Variants in SHISA9 observed in about 807,000 individuals in gnomAD.
The protein encoded by SHISA9 is protein shisa-9.
In SHISA9, 13 loss-of-function variants were observed where a neutral mutation model predicts 38.0. That is an observed-to-expected ratio of 0.34 (90% CI 0.22 to 0.54). The LOEUF is 0.54. Ranked by LOEUF, SHISA9 falls within the 20% of genes least tolerant of loss-of-function variation. The pLI, the probability that SHISA9 is intolerant of heterozygous loss-of-function variation, is 0.91. For missense variants in SHISA9, 538 were observed against 575.8 expected, an observed-to-expected ratio of 0.93 and a Z score of 0.67; for synonymous variants, 275 against 242.0, an observed-to-expected ratio of 1.14 and a Z score of -1.27.
chr16:13,190,732 G>C (rs1036421192), intron 2 of SHISA9, among the ~76,000 whole-genome samples: 1 of 152,108 alleles, frequency 6.6e-6, no homozygotes, highest in Non-Finnish European at 1.5e-5. Context: ...CTGTCCCCCA[G>C]AGCCTGCATA....
In SHISA9 at chr16:13,201,156, T is replaced by C. The variant is rs186200793; in HGVS notation, c.692-2238T>C. ...CTTGGGTCAAACTTGGTACCACCTG[T>C]TTTTGTAAATAAAGTTTTATTGGAA... On this transcript the variant is annotated intron_variant, in intron 2 of 4. Transcript: ENST00000558583. Among the ~76,000 whole-genome samples, 65 of 135,224 alleles carry C rather than the reference T, an allele frequency of 4.8e-4. 11 individuals carry two copies. In the Middle Eastern group the frequency reaches 0.013, roughly 26 times the overall value. 88.7% of individuals were successfully genotyped at this position (135,224 alleles called of 152,430 possible).
chr16:12,908,881 C>G, intron 1 of SHISA9: 1 of 1,071,062 alleles, frequency 9.3e-7, no homozygotes, highest in Non-Finnish European at 1.1e-6. Flanking sequence ...TGTCCACCTT[C>G]AAACAGAATT....
At chr16:13,320,320 A>AAAAAG in the SHISA9 span, among the ~76,000 whole-genome samples, 4 of 148,070 alleles carry the variant, frequency 2.7e-5, no homozygotes, top group Admixed American at 6.7e-5. Flanking sequence ...AAAAAAAAAA[A>AAAAAG]GTAGGCAAAA....
chr16:13,087,472 T>A (rs1337215832), intron 2 of SHISA9, among the ~76,000 whole-genome samples: 3 of 152,170 alleles, frequency 2.0e-5, no homozygotes, highest in African/African-American at 4.8e-5. Flanking sequence ...TTTCTCCACA[T>A]CCTCTCCAGC....
intron 1 of SHISA9, chr16:12,909,454 G>A (rs1236467140): frequency 2.0e-6 from 2 of 985,322 alleles, no homozygotes; most frequent in African/African-American, 3.5e-5. Context: ...TGGAGGCTTT[G>A]AAGCAAGATA....
intron 1 of SHISA9, chr16:12,911,320 G>A (rs2071180409): frequency 1.0e-6 from 1 of 985,260 alleles, no homozygotes; most frequent in African/African-American, 1.7e-5. Flanking sequence ...AGGCATTTGT[G>A]TGGCTTGGAG....
At chr16:13,214,769 T>C (rs2051151508) in intron 4 of SHISA9, among the ~76,000 whole-genome samples, 1 of 152,046 alleles carries the variant, frequency 6.6e-6, no homozygotes, top group Admixed American at 6.6e-5. Flanking sequence ...ACTCCCATTT[T>C]TAAAACCATC....
At chr16:13,008,672 TCCCTCC>T (rs2072631554) in intron 2 of SHISA9, among the ~76,000 whole-genome samples, 1 of 79,952 alleles carries the variant, frequency 1.3e-5, no homozygotes, top group Admixed American at 1.8e-4. Flanking sequence ...CCTTCCTCCC[TCCCTCC>T]CTCTCTCTCT....
At chr16:13,102,503 C>A (rs768389625) in intron 2 of SHISA9, among the ~76,000 whole-genome samples, 5 of 152,146 alleles carry the variant, frequency 3.3e-5, no homozygotes, top group Non-Finnish European at 5.9e-5. Context: ...CACTGAGAGG[C>A]AAGGGAGAGA....
chr16:13,509,172 A>G, the SHISA9 span, among the ~76,000 whole-genome samples: 192 of 152,166 alleles, frequency 1.3e-3, no homozygotes, highest in African/African-American at 4.4e-3. Flanking sequence ...TTATGATGTT[A>G]CCTTTAAATA....
At chr16:13,294,720 T>C in the SHISA9 span, among the ~76,000 whole-genome samples, 2 of 152,300 alleles carry the variant, frequency 1.3e-5, no homozygotes, top group South Asian at 2.1e-4. Flanking sequence ...TGTATCTTCA[T>C]TGGAGAGCAG....
chr16:13,478,537 T>C, the SHISA9 span, among the ~76,000 whole-genome samples: 2 of 152,356 alleles, frequency 1.3e-5, no homozygotes, highest in South Asian at 4.1e-4. Flanking sequence ...CATCAGTTCC[T>C]GCAGCTGTAA....
At chr16:12,993,026 A>G (rs966736118) in intron 2 of SHISA9, among the ~76,000 whole-genome samples, 1 of 152,206 alleles carries the variant, frequency 6.6e-6, no homozygotes, top group Non-Finnish European at 1.5e-5. Context: ...GCTTTGGGAC[A>G]TACTCTTCAT....
the SHISA9 span, among the ~76,000 whole-genome samples, chr16:13,554,590 C>G: frequency 6.7e-6 from 1 of 149,852 alleles, no homozygotes; most frequent in African/African-American, 2.5e-5. Context: ...TTCCCAGGTT[C>G]AAGCAATTCT....
At chr16:13,141,147 A>G (rs1488086020) in intron 2 of SHISA9, among the ~76,000 whole-genome samples, 1 of 152,222 alleles carries the variant, frequency 6.6e-6, no homozygotes, top group Non-Finnish European at 1.5e-5. Flanking sequence ...TTGACTTTGC[A>G]TATGGAATCC....
chr16:13,060,304 C>T (rs1475638800), intron 2 of SHISA9, among the ~76,000 whole-genome samples: 2 of 152,180 alleles, frequency 1.3e-5, no homozygotes, highest in African/African-American at 4.8e-5. Flanking sequence ...CTTGATCAAA[C>T]CATCCCCAGA....
intron 2 of SHISA9, among the ~76,000 whole-genome samples, chr16:13,091,138 C>T (rs957415333): frequency 2.0e-5 from 3 of 152,208 alleles, no homozygotes; most frequent in African/African-American, 7.2e-5. Flanking sequence ...CCACTCTCTT[C>T]TGGCTTGCAC....
intron 2 of SHISA9, among the ~76,000 whole-genome samples, chr16:12,929,714 C>T (rs2071438913): frequency 6.6e-6 from 1 of 151,878 alleles, no homozygotes; most frequent in Admixed American, 6.6e-5. Flanking sequence ...ATGGGATAAT[C>T]TGTGTAGCAA....
At chr16:13,000,116 T>G (rs1232552350) in intron 2 of SHISA9, among the ~76,000 whole-genome samples, 1 of 152,248 alleles carries the variant, frequency 6.6e-6, no homozygotes, top group South Asian at 2.1e-4. Context: ...TTCTATGAAT[T>G]AGGGACACTT....
Sources: allele counts gnomAD v4.1 joint callset (sites outside exome capture counted in the v4.1 genomes callset), GRCh38; gene constraint gnomAD v4.1.1; transcripts MANE v1.5; gene names NCBI Gene and HGNC (gene_info 2026-07-23, HGNC 2026-07-21).